MEMO1: variants seen among roughly 807,000 people sequenced by gnomAD.
The protein encoded by MEMO1 is mediator of cell motility 1.
Under a neutral mutation model 45.2 loss-of-function variants are expected in MEMO1, and 6 were observed. That is an observed-to-expected ratio of 0.13 (90% CI 0.07 to 0.26). MEMO1 has a LOEUF of 0.26. Ranked by LOEUF, MEMO1 falls within the 10% of genes least tolerant of loss-of-function variation. The pLI is 1.00. For missense variants in MEMO1, 184 were observed against 370.5 expected, an observed-to-expected ratio of 0.50 and a Z score of 4.13; for synonymous variants, 78 against 124.3, an observed-to-expected ratio of 0.63 and a Z score of 2.48.
Position 31,980,253 on chromosome 2 carries a change from A to C in MEMO1, c.61+29934T>G, listed in dbSNP as rs552075194. ...TGGAGACCAGCCTGGACAATAAAGC[A>C]AGACCCCCAACTCTACAGAAAATTT... On this transcript the variant is annotated intron_variant, in intron 2 of 9. Transcript: ENST00000404530. 2.5e-4 allele frequency among the ~76,000 whole-genome samples: 38 copies of C among 152,188 alleles called. No homozygotes were observed. The South Asian group carries it at 7.7e-3, about 31-fold the overall frequency.
intron 2 of MEMO1, among the ~76,000 whole-genome samples, chr2:32,003,118 CT>C (rs1308379551): frequency 2.0e-5 from 3 of 152,088 alleles, no homozygotes; most frequent in Non-Finnish European, 4.4e-5. Flanking sequence ...GACACTCTAT[CT>C]TTTTTTAATC....
At chr2:31,930,820 T>C (rs1664075091) in intron 4 of MEMO1, among the ~76,000 whole-genome samples, 1 of 149,170 alleles carries the variant, frequency 6.7e-6, no homozygotes, top group Admixed American at 6.6e-5. Flanking sequence ...AATTTTTTTT[T>C]TTTTTTTTTT....
At chr2:31,989,032 C>A (rs974653535) in intron 2 of MEMO1, among the ~76,000 whole-genome samples, 1 of 151,764 alleles carries the variant, frequency 6.6e-6, no homozygotes, top group African/African-American at 2.4e-5. Context: ...CATGGAGAAA[C>A]CCCGTCTCTA....
chr2:31,938,867 G>A (rs1248555713), intron 3 of MEMO1, among the ~76,000 whole-genome samples: 3 of 148,384 alleles, frequency 2.0e-5, no homozygotes, highest in Non-Finnish European at 4.4e-5. Context: ...GCTCAGTGCA[G>A]CCCCAACCTC....
chr2:31,923,501 T>C (rs775628574), intron 4 of MEMO1: 11 of 947,300 alleles, frequency 1.2e-5, no homozygotes, highest in Non-Finnish European at 1.6e-5. Flanking sequence ...AACTAAAAGA[T>C]AGCACTCTGG....
intron 2 of MEMO1, among the ~76,000 whole-genome samples, chr2:31,951,384 T>C (rs950987979): frequency 1.3e-5 from 2 of 152,230 alleles, no homozygotes; most frequent in African/African-American, 4.8e-5. Context: ...CTCACTATGA[T>C]GTTCTGATAT....
At chr2:31,923,659 G>C in intron 4 of MEMO1, 1 of 1,547,432 alleles carries the variant, frequency 6.5e-7, no homozygotes, top group Non-Finnish European at 8.7e-7. Context: ...TAATGAGAAA[G>C]GGCATTTTTC....
intron 6 of MEMO1, among the ~76,000 whole-genome samples, chr2:31,913,784 G>A (rs145846919): frequency 1.2e-4 from 19 of 152,168 alleles, no homozygotes; most frequent in African/African-American, 3.9e-4. Context: ...CAAATAATCC[G>A]TCAACTATTT....
chr2:31,872,833 A>G (rs567397698), intron 8 of MEMO1, among the ~76,000 whole-genome samples: 32 of 152,314 alleles, frequency 2.1e-4, no homozygotes, highest in Admixed American at 1.1e-3. Flanking sequence ...GAAAGATGGG[A>G]AAACTAAGGC....
rs529206738 is a variant in MEMO1 at position 31,871,252 on chromosome 2, G to T, written c.658-1300C>A. On this transcript the variant is annotated intron_variant, in intron 8 of 9. Transcript: ENST00000404530. ...AAATGCAAATGGTGGTTTAACTAGG[G>T]ACTTAACTGGTTATTCTGTGTTTTT... is the stretch of plus-strand genomic sequence containing the variant. Among the ~76,000 whole-genome samples the T allele has an allele frequency of 7.2e-5, 11 of 152,154 alleles. No homozygotes were observed. In the South Asian group the frequency reaches 2.3e-3, roughly 32 times the overall value.
At chr2:31,976,876 T>G (rs1670066205) in intron 2 of MEMO1, among the ~76,000 whole-genome samples, 1 of 152,172 alleles carries the variant, frequency 6.6e-6, no homozygotes, top group African/African-American at 2.4e-5. Flanking sequence ...TTACTGAGAC[T>G]GCATATATGG....
intron 2 of MEMO1, among the ~76,000 whole-genome samples, chr2:31,955,020 C>G (rs1667249237): frequency 6.6e-6 from 1 of 151,878 alleles, no homozygotes; most frequent in African/African-American, 2.4e-5. Flanking sequence ...GAGGGAGGAT[C>G]ACTTGAGCTC....
chr2:31,974,836 T>C (rs1454161550), intron 2 of MEMO1, among the ~76,000 whole-genome samples: 1 of 152,016 alleles, frequency 6.6e-6, no homozygotes, highest in African/African-American at 2.4e-5. Flanking sequence ...GGTACTCTGC[T>C]GATTATTTTC....
intron 6 of MEMO1, among the ~76,000 whole-genome samples, chr2:31,904,474 T>C (rs1679371641): frequency 6.6e-6 from 1 of 152,218 alleles, no homozygotes; most frequent in South Asian, 2.1e-4. Context: ...AAATACTATG[T>C]ACTTTCTATG....
At chr2:31,889,266 C>A (rs1343154271) in intron 7 of MEMO1, among the ~76,000 whole-genome samples, 1 of 151,772 alleles carries the variant, frequency 6.6e-6, no homozygotes. Flanking sequence ...ATTTTTTTCC[C>A]CAAAAAATTC....
chr2:31,883,554 A>C, intron 7 of MEMO1, 92 bp from the exon 8 acceptor site: 2 of 897,332 alleles, frequency 2.2e-6, no homozygotes, highest in Non-Finnish European at 3.4e-6. Context: ...AGTTCTCATG[A>C]AAGGCAAAGC....
intron 2 of MEMO1, among the ~76,000 whole-genome samples, chr2:31,974,024 G>GGGGC (rs1261989936): frequency 5.3e-5 from 8 of 152,126 alleles, no homozygotes; most frequent in Admixed American, 3.3e-4. Context: ...TCTTTTTATA[G>GGGGC]GAGTTCATAA....
intron 3 of MEMO1, among the ~76,000 whole-genome samples, chr2:31,939,109 CAA>C (rs34125983): frequency 2.2e-3 from 314 of 144,624 alleles, no homozygotes; most frequent in Non-Finnish European, 2.1e-3. Context: ...TTTTCTACCT[CAA>C]AAAAAAAAAA....
At chr2:31,972,117 TA>T (rs1216110107) in intron 2 of MEMO1, among the ~76,000 whole-genome samples, 1 of 152,202 alleles carries the variant, frequency 6.6e-6, no homozygotes, top group Non-Finnish European at 1.5e-5. Flanking sequence ...ATATGTGAAA[TA>T]CCTTTTTTTA....
Sources: gnomAD v4.1 joint callset for allele counts (sites outside exome capture counted in the v4.1 genomes callset) on GRCh38, gnomAD v4.1.1 for gene constraint, MANE v1.5 for transcripts, NCBI Gene and HGNC (gene_info 2026-07-23, HGNC 2026-07-21) for gene names.